The following ISCA1 variants were observed in gnomAD, a reference collection of about 807,000 sequenced individuals.
ISCA1 encodes iron-sulfur cluster assembly 1.
In ISCA1, 9 loss-of-function variants were observed where a neutral mutation model predicts 14.7. That is an observed-to-expected ratio of 0.61 (90% CI 0.37 to 1.07). The LOEUF is 1.07. ISCA1 is among the 50% of genes least tolerant of loss of function. The pLI, the probability that ISCA1 is intolerant of heterozygous loss-of-function variation, is 0.01. For synonymous variants in ISCA1, 38 were observed against 54.3 expected (o/e 0.70, Z 1.32); for missense variants, 102 against 150.1 (o/e 0.68, Z 1.67).
chr9:86,271,454 A>C (rs1825367531), intron 3 of ISCA1, among the ~76,000 whole-genome samples: 1 of 152,176 alleles, frequency 6.6e-6, no homozygotes, highest in South Asian at 2.1e-4. Context: ...AGCATCCCAA[A>C]TCCAAAAAGC....
In ISCA1 at chr9:86,265,194, T is replaced by C. The variant is rs1354530842; in HGVS notation, c.*849A>G. 1 of 152,202 alleles carries C rather than the reference T, an allele frequency of 6.6e-6. No individual in the cohort carries two copies. Among genetic ancestry groups the C allele is most frequent in the South Asian group, 2.1e-4 (1 of 4,832 alleles). The allele number at this position is 152,202 out of a possible 1,614,324, so 9.4% of individuals were successfully genotyped here. ...TTGACCACATAAAGAAGTCAGACCATTTGCCTTCGCTGACTGCCTCAGAGG... is the reference window on the plus strand; with the variant it reads ...TTGACCACATAAAGAAGTCAGACCACTTGCCTTCGCTGACTGCCTCAGAGG... On this transcript the variant is annotated 3_prime_UTR_variant, in exon 4 of 4. Transcript: ENST00000375991.
rs1022792409 is a variant in ISCA1, at chr9:86,274,311, G to A, written c.82-69C>T. On this transcript the variant is annotated intron_variant, in intron 1 of 3. Transcript: ENST00000375991. ...CAAAGCCTCATATTTATCAGTCTTC[G>A]TAAGTCTGTCTTTAGCAAATTCATG... The A allele has an allele frequency of 3.5e-5, 36 of 1,037,592 alleles. No individual in the cohort carries two copies. The Admixed American group carries it at 4.5e-4, about 13-fold the overall frequency. The allele number at this position is 1,037,592 out of a possible 1,614,324, so 64.3% of individuals were successfully genotyped here.
At chr9:86,279,546 T>C (rs1490824604) in intron 1 of ISCA1, among the ~76,000 whole-genome samples, 1 of 152,208 alleles carries the variant, frequency 6.6e-6, no homozygotes, top group Non-Finnish European at 1.5e-5. Flanking sequence ...ACTCCACACA[T>C]ATAGCACTTT....
intron 3 of ISCA1, among the ~76,000 whole-genome samples, chr9:86,268,881 G>A (rs531211474): frequency 2.0e-5 from 3 of 152,078 alleles, no homozygotes; most frequent in East Asian, 1.9e-4. Flanking sequence ...TGCAACCTCC[G>A]CCTCCTGGGG....
At chr9:86,271,704 A>G (rs965373587) in intron 3 of ISCA1, among the ~76,000 whole-genome samples, 2 of 152,194 alleles carry the variant, frequency 1.3e-5, no homozygotes, top group African/African-American at 2.4e-5. Context: ...TAATTTATCA[A>G]TTAGTTACTA....
chr9:86,280,927 CCAAAAACAAAACAAA>C (rs1325292427), intron 1 of ISCA1, among the ~76,000 whole-genome samples: 5 of 150,888 alleles, frequency 3.3e-5, no homozygotes, highest in Non-Finnish European at 7.4e-5. Context: ...GACCCTGTCT[CCAAAAACAAAACAAA>C]CAAAAACAAA....
At chr9:86,273,723 G>A (rs1257171910) in intron 2 of ISCA1, among the ~76,000 whole-genome samples, 1 of 152,236 alleles carries the variant, frequency 6.6e-6, no homozygotes, top group Admixed American at 6.5e-5. Flanking sequence ...AGGAACTGCT[G>A]GTGAAATAGT....
chr9:86,271,805 A>C (rs1825371307), intron 3 of ISCA1, among the ~76,000 whole-genome samples: 1 of 152,208 alleles, frequency 6.6e-6, no homozygotes, highest in Non-Finnish European at 1.5e-5. Flanking sequence ...CATCAGAAAA[A>C]CAGGGATAAT....
intron 1 of ISCA1, among the ~76,000 whole-genome samples, chr9:86,277,292 G>C (rs894502904): frequency 1.3e-5 from 2 of 152,134 alleles, no homozygotes; most frequent in Admixed American, 6.5e-5. Flanking sequence ...GCTGTTACAG[G>C]AACTAAAATA....
At chr9:86,270,102 T>G (rs1244300068) in intron 3 of ISCA1, among the ~76,000 whole-genome samples, 3 of 149,166 alleles carry the variant, frequency 2.0e-5, no homozygotes, top group Admixed American at 1.3e-4. Flanking sequence ...GGGATCTAAT[T>G]AAACTAAAGA....
intron 1 of ISCA1, among the ~76,000 whole-genome samples, chr9:86,277,031 C>T (rs942218547): frequency 2.6e-5 from 4 of 152,124 alleles, no homozygotes; most frequent in Non-Finnish European, 4.4e-5. Flanking sequence ...CACACTACTC[C>T]GTTTACCAGC....
intron 1 of ISCA1, among the ~76,000 whole-genome samples, chr9:86,278,380 G>A (rs978158423): frequency 6.6e-6 from 1 of 152,052 alleles, no homozygotes; most frequent in Admixed American, 6.5e-5. Context: ...ATATATATTT[G>A]TAGGCCAGGT....
At chr9:86,276,768 G>C (rs754759872) in intron 1 of ISCA1, among the ~76,000 whole-genome samples, 1 of 150,126 alleles carries the variant, frequency 6.7e-6, no homozygotes, top group African/African-American at 2.4e-5. Context: ...CTACTCCGGA[G>C]GCTGACGCAT....
intron 2 of ISCA1, 26 bp downstream of exon 2, chr9:86,274,163 C>A: frequency 1.5e-6 from 2 of 1,325,844 alleles, no homozygotes; most frequent in Non-Finnish European, 1.1e-6. Context: ...CAGTTTTTTA[C>A]TGAATAATTA....
At position 86,265,691 on chromosome 9, in the gene ISCA1, C is replaced by T. The variant is rs138418302; in HGVS notation, c.*352G>A. ...TCCTGTCTCAGATTTTAGGAGTCAC[C>T]GATCTGGTTGGGAGAAATGCTGAGG... On this transcript the variant is annotated 3_prime_UTR_variant, in exon 4 of 4. Coordinates refer to ENST00000375991, the MANE Select transcript of ISCA1 (RefSeq NM_030940.4). 2,488 of 247,468 alleles carry T rather than the reference C, an allele frequency of 0.01. 24 individuals carry two copies. Among genetic ancestry groups the T allele is most frequent in the Non-Finnish European group, 0.013 (1,642 of 124,098 alleles). 15.3% of individuals were successfully genotyped at this position (247,468 alleles called of 1,614,324 possible).
intron 1 of ISCA1, chr9:86,282,171 G>A (rs1350537278): frequency 1.5e-5 from 9 of 596,400 alleles, no homozygotes; most frequent in Non-Finnish European, 2.3e-5. Context: ...CCGGGGCCAA[G>A]AGAGCAGCCC....
At chr9:86,276,640 G>A (rs183614870) in intron 1 of ISCA1, among the ~76,000 whole-genome samples, 119 of 152,182 alleles carry the variant, frequency 7.8e-4, no homozygotes, top group African/African-American at 2.7e-3. Flanking sequence ...GTCAGCCAAG[G>A]TGGAAGGATC....
intron 1 of ISCA1, among the ~76,000 whole-genome samples, chr9:86,275,151 A>G (rs920281391): frequency 2.0e-5 from 3 of 152,162 alleles, no homozygotes; most frequent in African/African-American, 7.2e-5. Context: ...TGTGAGGATT[A>G]AATATTTAAA....
chr9:86,271,484 G>C (rs1363429442), intron 3 of ISCA1, among the ~76,000 whole-genome samples: 4 of 152,288 alleles, frequency 2.6e-5, no homozygotes, highest in Non-Finnish European at 5.9e-5. Context: ...CATTTCCTCT[G>C]AGTGTCATGT....
Sources: gnomAD v4.1 joint callset for allele counts (sites outside exome capture counted in the v4.1 genomes callset) on GRCh38, gnomAD v4.1.1 for gene constraint, MANE v1.5 for transcripts, NCBI Gene and HGNC (gene_info 2026-07-23, HGNC 2026-07-21) for gene names.